The following ERBB4 variants were observed in gnomAD, a reference collection of about 807,000 sequenced individuals.
The protein encoded by ERBB4 is erb-b2 receptor tyrosine kinase 4.
Under a neutral mutation model 158.0 loss-of-function variants are expected in ERBB4, and 42 were observed. The observed-to-expected ratio is 0.27, with a 90% CI of 0.21 to 0.34. The LOEUF (loss-of-function observed/expected upper bound fraction) is 0.34, where lower values mean the gene tolerates loss of function less well. ERBB4 is among the 10% of genes least tolerant of loss of function. The pLI is 1.00. For synonymous variants in ERBB4, 583 were observed against 558.7 expected, an observed-to-expected ratio of 1.04 and a Z score of -0.61; for missense variants, 1,333 against 1,624.1, an observed-to-expected ratio of 0.82 and a Z score of 3.08.
chr2:211,720,777 G>A (rs2074066227), intron 7 of ERBB4, among the ~76,000 whole-genome samples: 1 of 152,148 alleles, frequency 6.6e-6, no homozygotes, highest in Non-Finnish European at 1.5e-5. Context: ...CACACAAAGT[G>A]TTCATACCAA....
At chr2:211,751,373 G>C in intron 4 of ERBB4, among the ~76,000 whole-genome samples, 1 of 151,846 alleles carries the variant, frequency 6.6e-6, no homozygotes, top group East Asian at 1.9e-4. Context: ...AATTCCCATC[G>C]GGACTGAAAA....
At chr2:211,540,623 G>A (rs1364471248) in intron 20 of ERBB4, among the ~76,000 whole-genome samples, 1 of 151,760 alleles carries the variant, frequency 6.6e-6, no homozygotes, top group South Asian at 2.1e-4. Flanking sequence ...GAGTGCAGTG[G>A]CGTGATCTCA....
intron 1 of ERBB4, among the ~76,000 whole-genome samples, chr2:212,177,635 T>C (rs941398315): frequency 6.6e-6 from 1 of 151,888 alleles, no homozygotes; most frequent in Non-Finnish European, 1.5e-5. Flanking sequence ...TTATCAATTA[T>C]ATAGACTTCA....
intron 19 of ERBB4, among the ~76,000 whole-genome samples, chr2:211,597,690 T>C (rs913818497): frequency 1.7e-5 from 2 of 118,764 alleles, no homozygotes; most frequent in African/African-American, 3.2e-5. Flanking sequence ...CTATACTCAA[T>C]TGAAATCTAA....
intron 2 of ERBB4, among the ~76,000 whole-genome samples, chr2:211,953,403 A>G (rs2080933250): frequency 6.6e-6 from 1 of 151,462 alleles, no homozygotes; most frequent in Non-Finnish European, 1.5e-5. Context: ...TAAATAAAAC[A>G]AAATAAAATC....
At chr2:212,301,585 C>A (rs2086624213) in intron 1 of ERBB4, among the ~76,000 whole-genome samples, 1 of 151,280 alleles carries the variant, frequency 6.6e-6, no homozygotes, top group African/African-American at 2.4e-5. Flanking sequence ...GTAAACATGA[C>A]AAATTTGGAA....
chr2:212,474,822 C>CTTTTTTTTT lies in ERBB4; in HGVS notation c.82+63618_82+63626dup, dbSNP rs539959668. On this transcript the variant is annotated intron_variant, in intron 1 of 27. Transcript: ENST00000342788. ...CACCATTTCCTGACACCCGGCCATT[C>CTTTTTTTTT]TTTTTTTTTTTTTTTTTTGTCAAGA... 3.7e-3 allele frequency among the ~76,000 whole-genome samples: 351 copies of CTTTTTTTTT among 94,378 alleles called. 52 individuals carry two copies. Among genetic ancestry groups the CTTTTTTTTT allele is most frequent in the African/African-American group, 0.019 (305 of 16,398 alleles). 61.9% of individuals were successfully genotyped at this position (94,378 alleles called of 152,430 possible). A position where few individuals can be genotyped will look rare whatever the true frequency, so the allele number is the denominator to read the frequency against.
rs1189757794 is a variant in ERBB4, at chr2:211,665,426, C to T, written c.1768G>A (p.Val590Met). Residue 590 changes from valine to methionine, a missense_variant, in exon 15 of 28, where the codon GTG becomes ATG. Around this residue, in one of 5 missense-constraint regions of ERBB4, gnomAD observed 245 missense variants for 247.5 expected, o/e 0.99. Transcript: ENST00000342788. ...TGTAAGCCATCTGGACATTTTTCCA[C>T]ACAGTTTGGGCCATCTTTAAAATGA... ...CSHFKDGPNC[V>M]EKCPDGLQGA... is the part of the protein sequence containing the mutation. 6.2e-7 allele frequency: 1 copy of T among 1,613,998 alleles called. No homozygotes were observed. The highest frequency in any genetic ancestry group is 8.5e-7 in the Non-Finnish European group (1 of 1,179,986).
intron 2 of ERBB4, among the ~76,000 whole-genome samples, chr2:211,988,080 G>A (rs2125246595): frequency 6.6e-6 from 1 of 152,204 alleles, no homozygotes; most frequent in East Asian, 1.9e-4. Flanking sequence ...ATTTTAATTA[G>A]GACTTTTTTA....
intron 1 of ERBB4, among the ~76,000 whole-genome samples, chr2:212,127,042 TACTCTGTTACC>T (rs2079952569): frequency 6.6e-6 from 1 of 152,210 alleles, no homozygotes; most frequent in Non-Finnish European, 1.5e-5. Context: ...TTTCTAGAAG[TACTCTGTTACC>T]AGCTAAATTG....
intron 3 of ERBB4, among the ~76,000 whole-genome samples, chr2:211,863,364 C>T (rs962812938): frequency 6.6e-6 from 1 of 152,222 alleles, no homozygotes; most frequent in African/African-American, 2.4e-5. Context: ...CTGGCCACCC[C>T]AGCCAGAAGC....
At chr2:211,839,941 T>C (rs548954799) in intron 3 of ERBB4, among the ~76,000 whole-genome samples, 5 of 152,246 alleles carry the variant, frequency 3.3e-5, no homozygotes, top group African/African-American at 7.2e-5. Context: ...ATAGGTAACA[T>C]GTAGACTGAC....
rs551039130 is a variant in ERBB4 at position 212,166,142 on chromosome 2, A to G, written c.83-41239T>C. The stretch of plus-strand genomic sequence containing the variant: ...GCTAAGCAGCTACTCTCCTTTAGAC[A>G]CTAAATAAACTATTTTAAAGAAAAT... On this transcript the variant is annotated intron_variant, in intron 1 of 27. Coordinates refer to ENST00000342788, the MANE Select transcript of ERBB4 (RefSeq NM_005235.3). Among the ~76,000 whole-genome samples, 14 of 152,110 alleles carry G rather than the reference A, an allele frequency of 9.2e-5. No individual in the cohort carries two copies. The East Asian group carries it at 2.5e-3, about 27-fold the overall frequency.
chr2:211,979,672 A>G (rs565459390), intron 2 of ERBB4, among the ~76,000 whole-genome samples: 2 of 152,198 alleles, frequency 1.3e-5, no homozygotes, highest in South Asian at 2.1e-4. Context: ...CTTCCCTGCC[A>G]TAATACACAT....
At chr2:211,731,901 C>T (rs773257197) in intron 5 of ERBB4, among the ~76,000 whole-genome samples, 8 of 152,062 alleles carry the variant, frequency 5.3e-5, no homozygotes, top group Admixed American at 2.6e-4. Flanking sequence ...ATTTGTGTGT[C>T]CAGGGCCAGG....
chr2:212,307,372 C>A (rs200043009), intron 1 of ERBB4, among the ~76,000 whole-genome samples: 43 of 146,932 alleles, frequency 2.9e-4, no homozygotes, highest in South Asian at 6.4e-4. Context: ...TGACTATTGG[C>A]AAAAAAAAAA....
intron 2 of ERBB4, among the ~76,000 whole-genome samples, chr2:212,102,688 T>C (rs976091829): frequency 3.9e-5 from 6 of 152,166 alleles, no homozygotes; most frequent in African/African-American, 1.4e-4. Flanking sequence ...TATCTCACTT[T>C]GAAAGTTCCA....
chr2:211,835,730 T>C (rs1011803714), intron 3 of ERBB4, among the ~76,000 whole-genome samples: 2 of 152,232 alleles, frequency 1.3e-5, no homozygotes, highest in East Asian at 1.9e-4. Context: ...CATTTGCTTA[T>C]GGATACTTTG....
intron 20 of ERBB4, among the ~76,000 whole-genome samples, chr2:211,436,589 C>A (rs2063860826): frequency 6.6e-6 from 1 of 152,124 alleles, no homozygotes; most frequent in Admixed American, 6.5e-5. Context: ...ATTACTGCTC[C>A]ATGGATAGCT....
Sources: allele counts gnomAD v4.1 joint callset (sites outside exome capture counted in the v4.1 genomes callset), GRCh38; gene constraint gnomAD v4.1.1; regional missense constraint gnomAD v4.1.1; transcripts MANE v1.5; gene names NCBI Gene and HGNC (gene_info 2026-07-23, HGNC 2026-07-21).